ZNF888: variants seen among roughly 807,000 people sequenced by gnomAD.
ZNF888 encodes CTD-2331H12.6.
Under a neutral mutation model 7.2 loss-of-function variants are expected in ZNF888, and 5 were observed. The ratio of observed to expected loss-of-function variants is 0.70; its 90% CI spans 0.36 to 1.46. The LOEUF (loss-of-function observed/expected upper bound fraction) is 1.46, where lower values mean the gene tolerates loss of function less well. Among genes scored for constraint, ZNF888 ranks in the 40% most tolerant of loss-of-function variants. The pLI is 0.03. For synonymous variants in ZNF888, 240 were observed against 284.3 expected, an observed-to-expected ratio of 0.84 and a Z score of 1.57; for missense variants, 716 against 858.0, an observed-to-expected ratio of 0.83 and a Z score of 2.07.
rs936280506 is a variant in ZNF888, at chr19:52,907,217, G to C, written c.1105C>G (p.Leu369Val). 25 of 1,612,540 alleles carry C rather than the reference G, an allele frequency of 1.6e-5. No individual in the cohort carries two copies. The African/African-American group carries it at 3.1e-4, about 20-fold the overall frequency. ...GTGTGAATTCTCCTATGTCTTTCAA[G>C]GTATGATTTGCGACTGAAAACTTTG... ...CDKVFSRKSY[L>V]ERHRRIHTGE... The change falls in exon 5 of 5, where the codon CTT becomes GTT. Residue 369 changes from leucine to valine, a missense_variant. Leu to Val is a conservative substitution (Grantham distance 32, BLOSUM62 1). Coordinates refer to ENST00000638862, the MANE Select transcript of ZNF888 (RefSeq NM_001393938.1).
In ZNF888 at chr19:52,907,912, T is replaced by C; in HGVS notation, c.410A>G (p.Tyr137Cys). 6.2e-7 allele frequency: 1 copy of C among 1,614,196 alleles called. No homozygotes were observed. Among genetic ancestry groups the C allele is most frequent in the East Asian group, 2.2e-5 (1 of 44,872 alleles). Residue 137 changes from tyrosine to cysteine, a missense_variant, in exon 5 of 5, where the codon TAT (tyrosine) becomes TGT (cysteine). By Grantham distance (194) the Tyr-to-Cys change is radical. This residue lies in a region of ZNF888 where 697 missense variants were observed against 803.4 expected (regional missense o/e 0.87). Transcript: ENST00000638862. ...TGAATGAAAGCTTGATCCAAGCTGA[T>C]ATTTAATAGGCTTGTTTCCAGCATG... ...QRHAGNKPIKYQLGSSFHSHL... is the reference protein window; with the variant it reads ...QRHAGNKPIKCQLGSSFHSHL...
intron 1 of ZNF888, among the ~76,000 whole-genome samples, chr19:52,921,360 A>C (rs1332529685): frequency 6.6e-6 from 1 of 152,202 alleles, no homozygotes; most frequent in Non-Finnish European, 1.5e-5. Context: ...CTGCCAGGGA[A>C]TGACATGACT....
intron 1 of ZNF888, among the ~76,000 whole-genome samples, chr19:52,921,290 A>C (rs1255539973): frequency 2.6e-5 from 4 of 152,230 alleles, no homozygotes. Context: ...AGGGCTGTGG[A>C]GCCACAGTGA....
chr19:52,921,734 C>G, intron 1 of ZNF888: 3 of 741,296 alleles, frequency 4.0e-6, no homozygotes, highest in Non-Finnish European at 4.9e-6. Context: ...TGTAGACCAG[C>G]CTGACCTACA....
At chr19:52,920,489 C>CA (rs1191621530) in intron 1 of ZNF888, among the ~76,000 whole-genome samples, 402 of 6,872 alleles carry the variant, frequency 0.058, 46 homozygotes, top group East Asian at 0.082. Flanking sequence ...TGCTTGAAGG[C>CA]AAAAAAAAAA....
At chr19:52,922,717 C>T (rs969915681) in intron 1 of ZNF888, among the ~76,000 whole-genome samples, 5 of 152,162 alleles carry the variant, frequency 3.3e-5, no homozygotes, top group Admixed American at 6.5e-5. Flanking sequence ...CCCTTTGGCC[C>T]ACACAATCAC....
In ZNF888 at chr19:52,918,006, C is replaced by T. The variant is rs1256850881; in HGVS notation, c.-58-75G>A. Reference sequence around the variant, plus strand: ...GTCAACATACCCCCTCCCTGTAAAACAACGACACATACAAAGGAGACCTCA... The same window carrying T: ...GTCAACATACCCCCTCCCTGTAAAATAACGACACATACAAAGGAGACCTCA... On this transcript the variant is annotated intron_variant, in intron 2 of 4. Transcript: ENST00000638862. 2.6e-6 allele frequency: 4 copies of T among 1,547,310 alleles called. No individual in the cohort carries two copies. In the East Asian group the frequency reaches 6.8e-5, roughly 26 times the overall value.
chr19:52,912,328 T>C (rs1414333263), intron 4 of ZNF888, among the ~76,000 whole-genome samples: 2 of 149,498 alleles, frequency 1.3e-5, no homozygotes, highest in Non-Finnish European at 3.0e-5. Context: ...TTAGCCAGGA[T>C]GGCCTCTATC....
chr19:52,906,274 A>C lies in ZNF888; in HGVS notation c.2048T>G (p.Ile683Ser). 1 of 1,612,546 alleles carries C rather than the reference A, an allele frequency of 6.2e-7. No homozygotes were observed. The highest frequency in any genetic ancestry group is 1.1e-5 in the South Asian group (1 of 90,876). Residue 683 changes from isoleucine to serine, a missense_variant, in exon 5 of 5, where the codon ATT becomes AGT. Ile to Ser is a moderately radical substitution (Grantham distance 142, BLOSUM62 -2). Coordinates refer to ENST00000638862, the MANE Select transcript of ZNF888 (RefSeq NM_001393938.1). ...CYSHLAQHTR[I>S]HTGEKPFKCS... is the part of the protein sequence containing the mutation. ...CTTGAAAGGTTTCTCTCCAGTATGAATTCTAGTATGTTGTGCCAGGTGTGA... is the reference window on the plus strand; with the variant it reads ...CTTGAAAGGTTTCTCTCCAGTATGACTTCTAGTATGTTGTGCCAGGTGTGA...
In ZNF888 at chr19:52,907,790, T is replaced by C; in HGVS notation, c.532A>G (p.Arg178Gly). 13 of 1,614,166 alleles carry C rather than the reference T, an allele frequency of 8.1e-6. No homozygotes were observed. The highest frequency in any genetic ancestry group is 1.1e-5 in the Non-Finnish European group (13 of 1,180,024). Residue 178 changes from arginine to glycine, a missense_variant, in exon 5 of 5, where the codon AGA (arginine) becomes GGA (glycine). Transcript: ENST00000638862. ...NNASSVSTSQ[R>G]ISCRPKTHIS... ...TGGGTTTTGGGCCTACAAGAAATTC[T>C]TTGGGATGTTGAAACTGAGGAAGCA...
rs757270034 is a variant in ZNF888 at position 52,907,794 on chromosome 19, G to A, written c.528C>T (p.Ser176=). 159 of 1,613,982 alleles carry A rather than the reference G, an allele frequency of 9.9e-5. No homozygotes were observed. Among genetic ancestry groups the A allele is most frequent in the Middle Eastern group, 4.9e-4 (3 of 6,084 alleles). The change falls in exon 5 of 5, where the codon TCC becomes TCT. Residue 176 remains serine (S), a synonymous_variant. Coordinates refer to ENST00000638862, the MANE Select transcript of ZNF888 (RefSeq NM_001393938.1). ...SINNASSVST[S]QRISCRPKTH... Reference sequence around the variant, plus strand: ...TTTTGGGCCTACAAGAAATTCTTTGGGATGTTGAAACTGAGGAAGCATTGT... The same window carrying A: ...TTTTGGGCCTACAAGAAATTCTTTGAGATGTTGAAACTGAGGAAGCATTGT...
At chr19:52,913,088 T>C (rs1203501187) in intron 4 of ZNF888, among the ~76,000 whole-genome samples, 2 of 152,114 alleles carry the variant, frequency 1.3e-5, no homozygotes, top group Non-Finnish European at 2.9e-5. Flanking sequence ...GCCTAAGTGA[T>C]GAGAGCAAAA....
At chr19:52,911,287 A>G (rs1302406196) in intron 4 of ZNF888, among the ~76,000 whole-genome samples, 3 of 152,012 alleles carry the variant, frequency 2.0e-5, no homozygotes, top group Non-Finnish European at 4.4e-5. Flanking sequence ...TGCTGGGATT[A>G]GAGGAGTGAG....
intron 4 of ZNF888, chr19:52,914,171 C>G: frequency 6.0e-6 from 1 of 166,524 alleles, no homozygotes; most frequent in Non-Finnish European, 1.2e-5. Flanking sequence ...GAAAGATGTC[C>G]TTTCAAAGAT....
Position 52,908,078 on chromosome 19 carries a change from C to T in ZNF888, c.244G>A (p.Gly82Arg). The T allele has an allele frequency of 6.2e-7, 1 of 1,614,152 alleles. No individual in the cohort carries two copies. The highest frequency in any genetic ancestry group is 8.5e-7 in the Non-Finnish European group (1 of 1,180,022). ...TCAATTTCCTGGAAGCAACATTCTC[C>T]AATGTGATGACTTGCCAGTCTTTGC... ...TLQRLASHHI[G>R]ECCFQEIEKD... Residue 82 changes from glycine (G) to arginine (R), a missense_variant, in exon 5 of 5, where the codon GGA becomes AGA. By Grantham distance (125) the Gly-to-Arg change is moderately radical (BLOSUM62 -2). Coordinates refer to ENST00000638862, the MANE Select transcript of ZNF888 (RefSeq NM_001393938.1).
In ZNF888 at chr19:52,907,634, T is replaced by A; in HGVS notation, c.688A>T (p.Lys230Ter). Residue 230 changes from lysine to a stop codon, truncating the protein, a stop_gained, in exon 5 of 5, where the codon AAA becomes TAA. Transcript: ENST00000638862. LOFTEE classifies it low-confidence loss of function (END_TRUNC). ...CCTAGATGAATTATCTGATGTTTTT[T>A]AAAGAGTGAGCTACAATTAAAGGAT... ...GKSFNCSSLF[K>*]KHQIIHLGEK... The A allele has an allele frequency of 6.2e-7, 1 of 1,603,564 alleles. No individual in the cohort carries two copies. Among genetic ancestry groups the A allele is most frequent in the Non-Finnish European group, 8.5e-7 (1 of 1,176,234 alleles).
At chr19:52,909,890 G>A (rs1261664205) in intron 4 of ZNF888, among the ~76,000 whole-genome samples, 1 of 152,026 alleles carries the variant, frequency 6.6e-6, no homozygotes, top group Non-Finnish European at 1.5e-5. Context: ...GGCCAGGCAT[G>A]GTGGCTCATG....
chr19:52,912,195 G>A (rs1373902401), intron 4 of ZNF888, among the ~76,000 whole-genome samples: 1 of 148,938 alleles, frequency 6.7e-6, no homozygotes, highest in Non-Finnish European at 1.5e-5. Flanking sequence ...CTCACTGCAA[G>A]CTCCGCCTCC....
intron 1 of ZNF888, among the ~76,000 whole-genome samples, chr19:52,922,267 C>CTCTGCG (rs767166519): frequency 0.021 from 373 of 17,366 alleles, 5 homozygotes; most frequent in South Asian, 0.042. Context: ...CTTCTCCCAT[C>CTCTGCG]TCTCCTGAGC....
Sources: allele counts gnomAD v4.1 joint callset (sites outside exome capture counted in the v4.1 genomes callset), GRCh38; gene constraint gnomAD v4.1.1; regional missense constraint gnomAD v4.1.1; transcripts MANE v1.5; gene names NCBI Gene and HGNC (gene_info 2026-07-23, HGNC 2026-07-21).